The following HIPK2 variants were observed in gnomAD, a reference collection of about 807,000 sequenced individuals.
HIPK2 encodes the protein homeodomain interacting protein kinase 2.
HIPK2 carries 27 observed loss-of-function variants against 113.7 expected under a neutral mutation model. The observed-to-expected ratio is 0.24, with a 90% CI of 0.17 to 0.33. The LOEUF is 0.33. Ranked by LOEUF, HIPK2 falls within the 10% of genes least tolerant of loss-of-function variation. The pLI is 1.00. For missense variants in HIPK2, 1,257 were observed against 1,588.0 expected (o/e 0.79, Z 3.54); for synonymous variants, 631 against 642.2 (o/e 0.98, Z 0.26).
chr7:139,658,620 T>G (rs9969246), intron 2 of HIPK2, among the ~76,000 whole-genome samples: 114,312 of 152,112 alleles, frequency 0.75, 43,539 homozygotes, highest in Non-Finnish European at 0.8. Context: ...GAAGAGTCTT[T>G]GACAATATAC....
rs1799920214 is a variant in HIPK2 at position 139,613,707 on chromosome 7, C to CACACAGTTT, written c.1991-393_1991-385dup. ...CATTTGGAATTGCATTGACTGTAAC[C>CACACAGTTT]ACACAGTTTACACCATGAGGCTTGC... On this transcript the variant is annotated intron_variant, in intron 8 of 14. Coordinates refer to ENST00000406875, the MANE Select transcript of HIPK2 (RefSeq NM_022740.5). This position sits in a 1 kb window ranked among gnomAD's most constrained non-coding sequence, Gnocchi z 4.2. Among the ~76,000 whole-genome samples the CACACAGTTT allele has an allele frequency of 6.6e-6, 1 of 152,160 alleles. No homozygotes were observed. Among genetic ancestry groups the CACACAGTTT allele is most frequent in the African/African-American group, 2.4e-5 (1 of 41,440 alleles).
At chr7:139,628,675 C>A (rs1306788474) in intron 5 of HIPK2, among the ~76,000 whole-genome samples, 1 of 152,186 alleles carries the variant, frequency 6.6e-6, no homozygotes, top group Non-Finnish European at 1.5e-5. Context: ...CTAAGGTCAT[C>A]CACTCGCCTT....
In HIPK2 at chr7:139,699,592, C is replaced by A. The variant is rs919678279; in HGVS notation, c.1103+16340G>T. On this transcript the variant is annotated intron_variant, in intron 2 of 14. Transcript: ENST00000406875. ...TACACCCTGCTATCAGGAGGCAAGG[C>A]TGGGCCTGCAGCTGGGGAGGGTGGA... Among the ~76,000 whole-genome samples, 1,098 of 152,310 alleles carry A rather than the reference C, an allele frequency of 7.2e-3. 45 individuals carry two copies. The East Asian group carries it at 0.11, about 16-fold the overall frequency.
chr7:139,584,319 G>C (rs1798766378), intron 12 of HIPK2, among the ~76,000 whole-genome samples: 1 of 152,098 alleles, frequency 6.6e-6, no homozygotes, highest in African/African-American at 2.4e-5. Context: ...TAGGGAGTGA[G>C]ATGCTTCCGG....
intron 2 of HIPK2, among the ~76,000 whole-genome samples, chr7:139,638,879 G>C (rs571084985): frequency 3.9e-5 from 6 of 152,194 alleles, no homozygotes; most frequent in South Asian, 4.2e-4. Flanking sequence ...GGATGGTCTC[G>C]ATCTCCTGAC....
In HIPK2 at chr7:139,748,447, G is replaced by C. The variant is rs551714640; in HGVS notation, c.19+29158C>G. On this transcript the variant is annotated intron_variant, in intron 1 of 14. Coordinates refer to ENST00000406875, the MANE Select transcript of HIPK2 (RefSeq NM_022740.5). ...GAGGCCAGAAGTTCAAGATCACGGTGTCGACAGGGCCGGCTCCCTCCGAGG... is the reference window on the plus strand; with the variant it reads ...GAGGCCAGAAGTTCAAGATCACGGTCTCGACAGGGCCGGCTCCCTCCGAGG... Among the ~76,000 whole-genome samples the C allele has an allele frequency of 1.1e-4, 17 of 151,876 alleles. 1 individual carries two copies. The East Asian group carries it at 3.3e-3, about 29-fold the overall frequency.
At chr7:139,712,264 G>T (rs1234438341) in intron 2 of HIPK2, among the ~76,000 whole-genome samples, 2 of 152,236 alleles carry the variant, frequency 1.3e-5, no homozygotes, top group African/African-American at 4.8e-5. Flanking sequence ...ACATGCCTGA[G>T]AGCTGGGGAA....
At chr7:139,595,999 C>T (rs565491927) in intron 12 of HIPK2, among the ~76,000 whole-genome samples, 1 of 152,272 alleles carries the variant, frequency 6.6e-6, no homozygotes, top group African/African-American at 2.4e-5. Context: ...TACAAGGCCA[C>T]ACTCTAGGGA....
At chr7:139,771,414 G>C (rs1204440911) in intron 1 of HIPK2, among the ~76,000 whole-genome samples, 1 of 151,870 alleles carries the variant, frequency 6.6e-6, no homozygotes, top group African/African-American at 2.4e-5. Flanking sequence ...GGCTTTGTTG[G>C]GGTGAGGGAT....
chr7:139,574,982 G>A (rs1005544629), intron 14 of HIPK2, 146 bp downstream of exon 14: 1 of 1,094,868 alleles, frequency 9.1e-7, no homozygotes, highest in Non-Finnish European at 1.3e-6. Context: ...AGCCACCAGA[G>A]GTCACCAAGG....
chr7:139,753,996 G>A (rs918026986), intron 1 of HIPK2, among the ~76,000 whole-genome samples: 1 of 152,234 alleles, frequency 6.6e-6, no homozygotes, highest in East Asian at 1.9e-4. Context: ...CCCTGCCTGT[G>A]GGGCTTCCAC....
chr7:139,695,438 A>G (rs1794533986), intron 2 of HIPK2, among the ~76,000 whole-genome samples: 1 of 152,174 alleles, frequency 6.6e-6, no homozygotes, highest in Non-Finnish European at 1.5e-5. Flanking sequence ...ATGAAATGGG[A>G]AATGGGGCTG....
intron 2 of HIPK2, among the ~76,000 whole-genome samples, chr7:139,674,871 T>G (rs945177479): frequency 7.2e-5 from 11 of 152,214 alleles, no homozygotes; most frequent in African/African-American, 1.9e-4. Context: ...ACATATGGAC[T>G]GGAGGTTCCA....
At chr7:139,725,130 G>A (rs1481239409) in intron 1 of HIPK2, among the ~76,000 whole-genome samples, 2 of 152,186 alleles carry the variant, frequency 1.3e-5, no homozygotes, top group Non-Finnish European at 2.9e-5. Context: ...CATCGTCACC[G>A]ACCTAAAGGA....
intron 1 of HIPK2, among the ~76,000 whole-genome samples, chr7:139,767,167 A>G (rs1796566820): frequency 6.6e-6 from 1 of 152,242 alleles, no homozygotes; most frequent in Non-Finnish European, 1.5e-5. Flanking sequence ...TTCCAAAACA[A>G]TGGTCCTCAA....
At chr7:139,623,803 A>G (rs1260022964) in intron 6 of HIPK2, among the ~76,000 whole-genome samples, 1 of 152,050 alleles carries the variant, frequency 6.6e-6, no homozygotes, top group Non-Finnish European at 1.5e-5. Flanking sequence ...GACTCTGGAG[A>G]CAGCAGGGCC....
chr7:139,624,679 C>T (rs1026403445), intron 6 of HIPK2, among the ~76,000 whole-genome samples: 5 of 152,206 alleles, frequency 3.3e-5, no homozygotes, highest in Non-Finnish European at 5.9e-5. Flanking sequence ...CCCATCTTCA[C>T]TTCCTTTCCC....
intron 2 of HIPK2, among the ~76,000 whole-genome samples, chr7:139,642,495 C>A (rs1327515715): frequency 6.6e-6 from 1 of 152,180 alleles, no homozygotes; most frequent in Non-Finnish European, 1.5e-5. Context: ...CGCCCTGTGA[C>A]CACAGGCAAG....
At chr7:139,607,073 G>A (rs990171894) in intron 9 of HIPK2, among the ~76,000 whole-genome samples, 2 of 152,024 alleles carry the variant, frequency 1.3e-5, no homozygotes, top group Non-Finnish European at 2.9e-5. Flanking sequence ...CTCTTTTTTG[G>A]TATGGAGGGA....
Sources: gnomAD v4.1 joint callset for allele counts (sites outside exome capture counted in the v4.1 genomes callset) on GRCh38, gnomAD v4.1.1 for gene constraint, Gnocchi (gnomAD v3.1) non-coding constraint, MANE v1.5 for transcripts, NCBI Gene and HGNC (gene_info 2026-07-23, HGNC 2026-07-21) for gene names.